The following PDE4D variants were observed in gnomAD, a reference collection of about 807,000 sequenced individuals.
PDE4D encodes phosphodiesterase 4D.
A neutral mutation model predicts 87.4 loss-of-function variants in PDE4D; 24 were observed. The ratio of observed to expected loss-of-function variants is 0.27; its 90% confidence interval spans 0.20 to 0.39. PDE4D has a LOEUF of 0.39. Among genes scored for constraint, PDE4D ranks in the 10% least tolerant of loss-of-function variants. The pLI, the probability that PDE4D is intolerant of heterozygous loss-of-function variation, is 1.00. For missense variants in PDE4D, 714 were observed against 1,041.0 expected (o/e 0.69, Z 4.32); for synonymous variants, 384 against 383.2 (o/e 1.00, Z -0.02).
chr5:59,807,280 T>C (rs1191900146), intron 1 of PDE4D, among the ~76,000 whole-genome samples: 1 of 152,216 alleles, frequency 6.6e-6, no homozygotes, highest in East Asian at 1.9e-4. Context: ...CCTTGGAATA[T>C]GGTCACGCAG....
At chr5:59,992,393 T>G (rs938682575) in intron 2 of PDE4D, among the ~76,000 whole-genome samples, 3 of 152,202 alleles carry the variant, frequency 2.0e-5, no homozygotes, top group Non-Finnish European at 4.4e-5. Flanking sequence ...TGTGATCGTG[T>G]GAGTCAATAC....
At chr5:59,839,920 C>A (rs1397022697) in intron 1 of PDE4D, among the ~76,000 whole-genome samples, 3 of 152,010 alleles carry the variant, frequency 2.0e-5, no homozygotes, top group Non-Finnish European at 4.4e-5. Flanking sequence ...AAGTTTTGTC[C>A]AGACACATTT....
chr5:60,195,598 A>ACT (rs1401528234), intron 1 of PDE4D, among the ~76,000 whole-genome samples: 1 of 151,694 alleles, frequency 6.6e-6, no homozygotes, highest in African/African-American at 2.4e-5. Flanking sequence ...TTTACTGGAC[A>ACT]CTTGTGGTAT....
chr5:59,903,478 G>T (rs888196125), intron 3 of PDE4D, among the ~76,000 whole-genome samples: 4 of 152,098 alleles, frequency 2.6e-5, no homozygotes, highest in Non-Finnish European at 5.9e-5. Context: ...GGGTGAAAGG[G>T]ATAAGACAGA....
chr5:60,292,103 G>A (rs1363257315), intron 1 of PDE4D, among the ~76,000 whole-genome samples: 1 of 152,044 alleles, frequency 6.6e-6, no homozygotes, highest in Admixed American at 6.6e-5. Flanking sequence ...ATACCCACAA[G>A]TGCATATTGA....
At chr5:59,353,014 A>T (rs1233104065) in intron 1 of PDE4D, among the ~76,000 whole-genome samples, 1 of 152,136 alleles carries the variant, frequency 6.6e-6, no homozygotes, top group Admixed American at 6.5e-5. Context: ...AAACTAGAAG[A>T]CACTTTCTGT....
chr5:60,301,607 T>C (rs563526615), intron 1 of PDE4D, among the ~76,000 whole-genome samples: 3 of 152,312 alleles, frequency 2.0e-5, no homozygotes, highest in Admixed American at 2.0e-4. Context: ...GCTTTTGGGC[T>C]GAAACTATCT....
At chr5:60,377,919 T>G (rs765755017) in intron 1 of PDE4D, among the ~76,000 whole-genome samples, 1 of 152,224 alleles carries the variant, frequency 6.6e-6, no homozygotes, top group Non-Finnish European at 1.5e-5. Context: ...ACATAGGTCT[T>G]TTCTACACAT....
intron 1 of PDE4D, among the ~76,000 whole-genome samples, chr5:59,612,204 T>C (rs1359180073): frequency 6.7e-6 from 1 of 149,754 alleles, no homozygotes; most frequent in African/African-American, 2.5e-5. Flanking sequence ...ATTAATTCAA[T>C]ATATATTCTG....
At chr5:60,518,811 G>A (rs1750915845) in intron 1 of PDE4D, among the ~76,000 whole-genome samples, 1 of 152,138 alleles carries the variant, frequency 6.6e-6, no homozygotes, top group Non-Finnish European at 1.5e-5. Context: ...ACTATCATCA[G>A]ATGACTAAAT....
chr5:59,417,769 T>C (rs752198134), intron 1 of PDE4D, among the ~76,000 whole-genome samples: 10 of 152,206 alleles, frequency 6.6e-5, no homozygotes, highest in Non-Finnish European at 1.2e-4. Context: ...TTTCTGGCAA[T>C]TGTACCACTT....
intron 6 of PDE4D, among the ~76,000 whole-genome samples, chr5:59,026,888 T>C (rs1373815906): frequency 6.6e-6 from 1 of 152,252 alleles, no homozygotes; most frequent in Admixed American, 6.5e-5. Context: ...TTTCCCATTT[T>C]TAATGTCTGA....
intron 1 of PDE4D, among the ~76,000 whole-genome samples, chr5:59,455,808 C>T (rs776425864): frequency 1.3e-5 from 2 of 152,238 alleles, no homozygotes; most frequent in Admixed American, 1.3e-4. Flanking sequence ...TTTGCGTTAA[C>T]ATGACCCAAA....
At chr5:59,484,663 C>T (rs1388242565) in intron 1 of PDE4D, among the ~76,000 whole-genome samples, 2 of 152,226 alleles carry the variant, frequency 1.3e-5, no homozygotes, top group East Asian at 1.9e-4. Flanking sequence ...CCTGTGATAC[C>T]GATTTTAATC....
rs71606610 is a variant in PDE4D, at chr5:59,872,262, TACACACACACACACAC to T, written c.455+20890_455+20905del. Among the ~76,000 whole-genome samples, 12 of 131,814 alleles carry T rather than the reference TACACACACACACACAC, an allele frequency of 9.1e-5. No homozygotes were observed. The East Asian group carries it at 1.8e-3, about 20-fold the overall frequency. 86.5% of individuals were successfully genotyped at this position (131,814 alleles called of 152,430 possible). ...ACTGATGGATTCACAACAGAAGAGT[TACACACACACACACAC>T]ACACACACACACACACACACACAAG... is the stretch of plus-strand genomic sequence containing the variant. On this transcript the variant is annotated intron_variant, in intron 1 of 14. Transcript: ENST00000340635.
chr5:59,949,304 AAGCCTGTATTCCC>A (rs1758036561), intron 3 of PDE4D, among the ~76,000 whole-genome samples: 5 of 151,960 alleles, frequency 3.3e-5, no homozygotes, highest in Admixed American at 2.6e-4. Flanking sequence ...ATGGTGGCGG[AAGCCTGTATTCCC>A]AGCTACTCAG....
intron 1 of PDE4D, among the ~76,000 whole-genome samples, chr5:59,733,030 A>C (rs1388432784): frequency 4.6e-5 from 7 of 152,162 alleles, no homozygotes. Context: ...TAGAAATTGC[A>C]CAATGGAGAA....
At chr5:59,268,911 T>C (rs1413937021) in intron 1 of PDE4D, among the ~76,000 whole-genome samples, 1 of 152,094 alleles carries the variant, frequency 6.6e-6, no homozygotes, top group African/African-American at 2.4e-5. Context: ...AATGGTTGGG[T>C]GGATCCATGA....
intron 11 of PDE4D, among the ~76,000 whole-genome samples, chr5:58,984,305 A>G (rs950779462): frequency 2.0e-5 from 3 of 152,202 alleles, no homozygotes; most frequent in Admixed American, 6.5e-5. Context: ...GTACCATCAC[A>G]TGCCATAAAT....
Sources: allele counts gnomAD v4.1 joint callset (sites outside exome capture counted in the v4.1 genomes callset), GRCh38; gene constraint gnomAD v4.1.1; transcripts MANE v1.5; gene names NCBI Gene and HGNC (gene_info 2026-07-23, HGNC 2026-07-21).